The following RHOU variants were observed in gnomAD, a reference collection of about 807,000 sequenced individuals.
RHOU encodes ras homolog family member U.
A neutral mutation model predicts 12.6 loss-of-function variants in RHOU; 8 were observed. The ratio of observed to expected loss-of-function variants is 0.64; its 90% CI spans 0.37 to 1.15. The LOEUF is 1.15. Among genes scored for constraint, RHOU ranks in the 50% most tolerant of loss-of-function variants. The pLI, the probability that RHOU is intolerant of heterozygous loss-of-function variation, is 0.01. For missense variants in RHOU, 258 were observed against 347.0 expected (o/e 0.74, Z 2.04); for synonymous variants, 161 against 147.4 (o/e 1.09, Z -0.67).
At chr1:228,707,687 A>G in the RHOU span, among the ~76,000 whole-genome samples, 1 of 152,190 alleles carries the variant, frequency 6.6e-6, no homozygotes, top group South Asian at 2.1e-4. Flanking sequence ...CCAAAAGTAG[A>G]TAAAACCACA....
At chr1:228,652,857 T>C in the RHOU span, among the ~76,000 whole-genome samples, 1 of 152,234 alleles carries the variant, frequency 6.6e-6, no homozygotes. Context: ...GCTTATGCTA[T>C]CTAAAGTTTT....
the RHOU span, among the ~76,000 whole-genome samples, chr1:228,656,489 G>T: frequency 6.6e-6 from 1 of 151,976 alleles, no homozygotes; most frequent in Non-Finnish European, 1.5e-5. Context: ...AAACAATTTA[G>T]TCTATGTTTT....
chr1:228,646,737 C>T, the RHOU span, among the ~76,000 whole-genome samples: 209 of 152,016 alleles, frequency 1.4e-3, 1 homozygote, highest in African/African-American at 4.7e-3. Context: ...TCCACTCCCC[C>T]ACACACAGAC....
chr1:228,727,788 T>C, the RHOU span, among the ~76,000 whole-genome samples: 42 of 152,248 alleles, frequency 2.8e-4, 1 homozygote, highest in Middle Eastern at 6.8e-3. Context: ...AGGGTGATTA[T>C]GGTGGTTGAG....
At chr1:228,647,432 G>T in the RHOU span, among the ~76,000 whole-genome samples, 30 of 152,320 alleles carry the variant, frequency 2.0e-4, no homozygotes, top group East Asian at 5.8e-3. Flanking sequence ...ACGAAGTGCG[G>T]GGCAATAGGA....
chr1:228,650,405 C>T, the RHOU span: 4 of 457,212 alleles, frequency 8.7e-6, no homozygotes, highest in South Asian at 3.1e-5. Context: ...TGCGCCAGCC[C>T]GGGGCGGCTG....
the RHOU span, among the ~76,000 whole-genome samples, chr1:228,728,861 A>C: frequency 4.6e-5 from 7 of 151,608 alleles, no homozygotes; most frequent in Admixed American, 4.6e-4. Flanking sequence ...TTACTCTGAC[A>C]TCTAGCACTG....
the RHOU span, among the ~76,000 whole-genome samples, chr1:228,660,194 A>G: frequency 2.0e-5 from 3 of 152,030 alleles, no homozygotes; most frequent in East Asian, 5.8e-4. Flanking sequence ...TGCTAAGAAC[A>G]ATTGTACACC....
At chr1:228,703,831 T>A in the RHOU span, among the ~76,000 whole-genome samples, 9 of 152,162 alleles carry the variant, frequency 5.9e-5, no homozygotes, top group South Asian at 1.9e-3. Flanking sequence ...AAATAAATCT[T>A]AGGACCCCAA....
At position 228,743,367 on chromosome 1, in the gene RHOU, C is replaced by A; in HGVS notation, c.404C>A (p.Ser135Tyr). 6.2e-7 allele frequency: 1 copy of A among 1,614,200 alleles called. No homozygotes were observed. The highest frequency in any genetic ancestry group is 8.5e-7 in the Non-Finnish European group (1 of 1,180,040). Residue 135 changes from serine (S) to tyrosine (Y), a missense_variant, in exon 3 of 3, where the codon TCC becomes TAC. By Grantham distance (144) the Ser-to-Tyr change is moderately radical. Transcript: ENST00000366691. This position sits in a 1 kb window ranked among gnomAD's most constrained non-coding sequence, Gnocchi z 5.1. ...TGCTTCAGTGTCGTGAGCCCCTCAT[C>A]CTTCCAGAACGTCAGTGAGAAATGG... The part of the protein sequence containing the change: ...LLCFSVVSPS[S>Y]FQNVSEKWVP...
the RHOU span, among the ~76,000 whole-genome samples, chr1:228,699,027 A>G: frequency 2.6e-5 from 4 of 151,860 alleles, no homozygotes; most frequent in African/African-American, 2.4e-5. Context: ...AAAAGACCCA[A>G]TCTCAGGGTT....
the RHOU span, among the ~76,000 whole-genome samples, chr1:228,699,447 C>CAAAAAAA: frequency 2.5e-5 from 1 of 40,600 alleles, no homozygotes; most frequent in African/African-American, 7.3e-5. Context: ...GAACCTGTCT[C>CAAAAAAA]AAAAAAAAAA....
At chr1:228,658,244 G>C in the RHOU span, among the ~76,000 whole-genome samples, 1 of 146,300 alleles carries the variant, frequency 6.8e-6, no homozygotes, top group Non-Finnish European at 1.5e-5. Context: ...CAGGCTACAG[G>C]CTACTGCACT....
chr1:228,736,023 C>CGGGGCCG lies in RHOU; in HGVS notation c.262+25_262+31dup. On this transcript the variant is annotated intron_variant, in intron 1 of 2. Transcript: ENST00000366691. ...TTCTCCGGTGAGCTGGCCGGGGGGC[C>CGGGGCCG]GGGGCCGGGGGCGCGTGGCCGCGGT... 6.4e-7 allele frequency: 1 copy of CGGGGCCG among 1,563,472 alleles called. No homozygotes were observed. Among genetic ancestry groups the CGGGGCCG allele is most frequent in the Non-Finnish European group, 8.6e-7 (1 of 1,162,324 alleles).
the RHOU span, among the ~76,000 whole-genome samples, chr1:228,667,728 C>A: frequency 6.6e-6 from 1 of 152,090 alleles, no homozygotes; most frequent in South Asian, 2.1e-4. Flanking sequence ...ACAGCCATAT[C>A]TCTGGTTAAG....
At chr1:228,705,066 T>C in the RHOU span, among the ~76,000 whole-genome samples, 1 of 151,872 alleles carries the variant, frequency 6.6e-6, no homozygotes, top group Non-Finnish European at 1.5e-5. Context: ...CCTCCCAAAA[T>C]GCTGGCATTA....
At chr1:228,690,370 G>T in the RHOU span, among the ~76,000 whole-genome samples, 2 of 151,890 alleles carry the variant, frequency 1.3e-5, no homozygotes, top group Non-Finnish European at 2.9e-5. Context: ...TTGTTTCCCA[G>T]GCTGGAGTGC....
the RHOU span, among the ~76,000 whole-genome samples, chr1:228,683,796 G>T: frequency 6.6e-6 from 1 of 152,242 alleles, no homozygotes; most frequent in Non-Finnish European, 1.5e-5. Context: ...AAACTGTGCG[G>T]TGGGGGTGGG....
chr1:228,681,058 C>T, the RHOU span, among the ~76,000 whole-genome samples: 4 of 152,162 alleles, frequency 2.6e-5, no homozygotes, highest in Non-Finnish European at 5.9e-5. Flanking sequence ...ACATTTAAGT[C>T]TCTCCAGGTT....
Sources: allele counts gnomAD v4.1 joint callset (sites outside exome capture counted in the v4.1 genomes callset), GRCh38; gene constraint gnomAD v4.1.1; non-coding constraint Gnocchi (gnomAD v3.1); transcripts MANE v1.5; gene names NCBI Gene and HGNC (gene_info 2026-07-23, HGNC 2026-07-21).